The following PCDHGA4 variants were observed in gnomAD, a reference collection of about 807,000 sequenced individuals.
PCDHGA4 encodes protocadherin gamma-A4.
In PCDHGA4, 38 loss-of-function variants were observed where a neutral mutation model predicts 54.6. The observed-to-expected ratio is 0.70, with a 90% CI of 0.54 to 0.91. PCDHGA4 has a LOEUF of 0.91. Ranked by LOEUF, PCDHGA4 falls within the 40% of genes least tolerant of loss-of-function variation. PCDHGA4 has a pLI of 0.00. For missense variants in PCDHGA4, 1,298 were observed against 1,220.9 expected, an observed-to-expected ratio of 1.06 and a Z score of -0.94; for synonymous variants, 511 against 512.9, an observed-to-expected ratio of 1.00 and a Z score of 0.05.
At chr5:141,371,887 C>T (rs372336757) in intron 1 of PCDHGA4, 2 of 1,613,424 alleles carry the variant, frequency 1.2e-6, no homozygotes, top group African/African-American at 1.3e-5. Flanking sequence ...GACCTGGAGC[C>T]GCGGGAGCTG....
In PCDHGA4 at chr5:141,394,565, T is replaced by C. The variant is rs199836246; in HGVS notation, c.2514+36944T>C. ...AGCTGGCGCCCCGCTCCGCAGAGCG[T>C]GGCTACCTGGTGACCAAGGTGGTGG... On this transcript the variant is annotated intron_variant, in intron 1 of 3. Transcript: ENST00000571252. The C allele has an allele frequency of 4.7e-3, 7,555 of 1,612,722 alleles. 48 individuals carry two copies. The highest frequency in any genetic ancestry group is 9.5e-3 in the Admixed American group (567 of 59,986).
At chr5:141,435,214 A>G (rs1314928643) in intron 1 of PCDHGA4, among the ~76,000 whole-genome samples, 2 of 152,176 alleles carry the variant, frequency 1.3e-5, no homozygotes, top group South Asian at 2.1e-4. Context: ...AAGTGAATTT[A>G]CTTTCTTTCA....
chr5:141,487,022 A>T lies in PCDHGA4; in HGVS notation c.2515-7785A>T. ...TCAGCTCCTGGAGGCCCCAGATCCC[A>T]GCCTGTTTGCAGTCTCTCGATATGC... On this transcript the variant is annotated intron_variant, in intron 1 of 3. Coordinates refer to ENST00000571252, the MANE Select transcript of PCDHGA4 (RefSeq NM_018917.4). The surrounding 1 kb of genome is among the most constrained non-coding windows in gnomAD (Gnocchi z 5.0). The T allele has an allele frequency of 1.2e-6, 2 of 1,614,212 alleles. No homozygotes were observed. Among genetic ancestry groups the T allele is most frequent in the Non-Finnish European group, 1.7e-6 (2 of 1,180,048 alleles).
intron 1 of PCDHGA4, chr5:141,376,100 G>C (rs772318189): frequency 8.7e-6 from 14 of 1,613,632 alleles, no homozygotes; most frequent in Non-Finnish European, 1.2e-5. Context: ...CGACATCCTG[G>C]CCGACCTGGG....
intron 1 of PCDHGA4, chr5:141,421,501 G>T: frequency 6.2e-7 from 1 of 1,614,094 alleles, no homozygotes; most frequent in Non-Finnish European, 8.5e-7. Context: ...AGGCAGGATA[G>T]ACCGGGAGGA....
chr5:141,376,144 G>C, intron 1 of PCDHGA4: 1 of 1,613,918 alleles, frequency 6.2e-7, no homozygotes, highest in Non-Finnish European at 8.5e-7. Context: ...CCAACGATTC[G>C]GACCTCACTC....
chr5:141,374,723 G>T (rs771753373), intron 1 of PCDHGA4: 1 of 1,609,998 alleles, frequency 6.2e-7, no homozygotes, highest in South Asian at 1.1e-5. Context: ...GGTCCTTACT[G>T]CCATGGATGG....
rs2098293800 is a variant in PCDHGA4 at position 141,442,043 on chromosome 5, A to G, written c.2515-52764A>G. The G allele has an allele frequency of 1.9e-5, 4 of 205,506 alleles. No homozygotes were observed. In the South Asian group the frequency reaches 2.4e-4, roughly 12 times the overall value. The allele number at this position is 205,506 out of a possible 1,614,324, so 12.7% of individuals were successfully genotyped here. A position where few individuals can be genotyped will look rare whatever the true frequency, so the allele number is the denominator to read the frequency against. On this transcript the variant is annotated intron_variant, in intron 1 of 3. Transcript: ENST00000571252. ...ACAGGAAAGCGACTCGCCAGCGCCTACTGGTCGCGGTGCACTGCGGTGGAC... is the reference window on the plus strand; with the variant it reads ...ACAGGAAAGCGACTCGCCAGCGCCTGCTGGTCGCGGTGCACTGCGGTGGAC...
chr5:141,441,150 T>C (rs1421773650), intron 1 of PCDHGA4: 4 of 152,122 alleles, frequency 2.6e-5, no homozygotes, highest in African/African-American at 7.2e-5. Context: ...ATAATGACAA[T>C]ATCCTAGAGG....
Position 141,454,981 on chromosome 5 carries a change from A to T in PCDHGA4, c.2515-39826A>T, listed in dbSNP as rs528657512. 9.9e-3 allele frequency among the ~76,000 whole-genome samples: 1,486 copies of T among 150,680 alleles called. 32 individuals carry two copies. Among genetic ancestry groups the T allele is most frequent in the African/African-American group, 0.034 (1,392 of 41,092 alleles). On this transcript the variant is annotated intron_variant, in intron 1 of 3. Coordinates refer to ENST00000571252, the MANE Select transcript of PCDHGA4 (RefSeq NM_018917.4). ...GGCCACCACGCCTGGCTAATTTTTTAAAAAATATTTTTAGTAGAGACGGGG... is the reference window on the plus strand; with the variant it reads ...GGCCACCACGCCTGGCTAATTTTTTTAAAAATATTTTTAGTAGAGACGGGG...
intron 1 of PCDHGA4, chr5:141,427,984 C>T (rs754620535): frequency 1.9e-6 from 3 of 1,597,494 alleles, no homozygotes; most frequent in South Asian, 1.1e-5. Context: ...GCGCTGGGGC[C>T]CGATGGCTCC....
intron 1 of PCDHGA4, chr5:141,361,323 T>G (rs1451101263): frequency 6.2e-7 from 1 of 1,613,880 alleles, no homozygotes; most frequent in Non-Finnish European, 8.5e-7. Context: ...TTTTGAAATC[T>G]TCCTCAAAGA....
rs2099883762 is a variant in PCDHGA4, at chr5:141,511,396, C to T, written c.*223C>T. 9.8e-7 allele frequency: 1 copy of T among 1,016,834 alleles called. No homozygotes were observed. Among genetic ancestry groups the T allele is most frequent in the South Asian group, 1.7e-5 (1 of 58,996 alleles). The allele number at this position is 1,016,834 out of a possible 1,614,324, so 63.0% of individuals were successfully genotyped here. ...AAGCAGTTCCGCTGGGAACCCCCAT[C>T]CAATCAACTGCTGTACCCATGGGGG... On this transcript the variant is annotated 3_prime_UTR_variant, in exon 4 of 4. Coordinates refer to ENST00000571252, the MANE Select transcript of PCDHGA4 (RefSeq NM_018917.4).
chr5:141,404,289 A>G (rs552765425), intron 1 of PCDHGA4: 15 of 1,614,006 alleles, frequency 9.3e-6, no homozygotes, highest in East Asian at 4.5e-5. Flanking sequence ...ACTGACATCA[A>G]TGATAATCCA....
At chr5:141,395,351 G>A (rs2093220052) in intron 1 of PCDHGA4, 1 of 1,366,364 alleles carries the variant, frequency 7.3e-7, no homozygotes, top group East Asian at 2.5e-5. Context: ...GTGTATCACA[G>A]AGTTTTGGGT....
intron 1 of PCDHGA4, chr5:141,414,929 C>T (rs2095802879): frequency 6.2e-7 from 1 of 1,614,152 alleles, no homozygotes; most frequent in Non-Finnish European, 8.5e-7. Context: ...GCGCCCCGCT[C>T]CGCAGAGCCC....
At chr5:141,389,195 C>T (rs764168847) in intron 1 of PCDHGA4, 2 of 1,614,052 alleles carry the variant, frequency 1.2e-6, no homozygotes, top group Non-Finnish European at 1.7e-6. Flanking sequence ...CCAGCATCAC[C>T]CTGCACATTG....
chr5:141,372,767 T>C, intron 1 of PCDHGA4: 1 of 1,612,184 alleles, frequency 6.2e-7, no homozygotes, highest in Non-Finnish European at 8.5e-7. Flanking sequence ...TTGAAAGTAA[T>C]GACAATCCAG....
rs756216038 is a variant in PCDHGA4, at chr5:141,477,967, C to G, written c.2515-16840C>G. 1.9e-6 allele frequency: 3 copies of G among 1,614,032 alleles called. No homozygotes were observed. Among genetic ancestry groups the G allele is most frequent in the Admixed American group, 3.3e-5 (2 of 59,996 alleles). ...GTCTCTTGGGATCCCCTAACCAGAG[C>G]CTTTTTGCCATAGGGCTGCACACTG... On this transcript the variant is annotated intron_variant, in intron 1 of 3. Transcript: ENST00000571252. The surrounding 1 kb of genome is among the most constrained non-coding windows in gnomAD (Gnocchi z 4.9).
Sources: allele counts gnomAD v4.1 joint callset (sites outside exome capture counted in the v4.1 genomes callset), GRCh38; gene constraint gnomAD v4.1.1; non-coding constraint Gnocchi (gnomAD v3.1); transcripts MANE v1.5; gene names NCBI Gene and HGNC (gene_info 2026-07-23, HGNC 2026-07-21).